Variants in ZFAND3 observed in about 807,000 individuals in gnomAD.
The protein encoded by ZFAND3 is zinc finger AN1-type containing 3, also known as AN1-type zinc finger protein 3.
In ZFAND3, 10 loss-of-function variants were observed where a neutral mutation model predicts 29.6. The ratio of observed to expected loss-of-function variants is 0.34; its 90% CI spans 0.21 to 0.57. The LOEUF (loss-of-function observed/expected upper bound fraction) is 0.57, where lower values mean the gene tolerates loss of function less well. ZFAND3 is among the 20% of genes least tolerant of loss of function. The pLI is 0.86. For missense variants in ZFAND3, 230 were observed against 304.5 expected (o/e 0.76, Z 1.82); for synonymous variants, 128 against 112.6 (o/e 1.14, Z -0.87).
chr6:37,858,172 G>A (rs1232362486), intron 1 of ZFAND3, among the ~76,000 whole-genome samples: 1 of 152,134 alleles, frequency 6.6e-6, no homozygotes, highest in African/African-American at 2.4e-5. Context: ...GACCCTAGGT[G>A]TCCAGTCAGT....
At chr6:37,972,985 T>C (rs747861064) in intron 2 of ZFAND3, among the ~76,000 whole-genome samples, 2 of 152,150 alleles carry the variant, frequency 1.3e-5, no homozygotes, top group Non-Finnish European at 2.9e-5. Flanking sequence ...GAAAAAAACT[T>C]TGCACTTACT....
intron 1 of ZFAND3, among the ~76,000 whole-genome samples, chr6:37,866,750 TAAAGA>T (rs897809971): frequency 8.6e-5 from 13 of 151,994 alleles, no homozygotes; most frequent in South Asian, 4.1e-4. Flanking sequence ...CTGTGTCACT[TAAAGA>T]AAAGAGGTTC....
intron 2 of ZFAND3, among the ~76,000 whole-genome samples, chr6:37,979,685 G>A (rs527936481): frequency 1.3e-5 from 2 of 152,246 alleles, no homozygotes; most frequent in South Asian, 4.1e-4. Context: ...AATCCATTAC[G>A]ATGGTTCTTT....
chr6:38,015,953 T>C (rs868777804), intron 2 of ZFAND3, among the ~76,000 whole-genome samples: 14 of 152,218 alleles, frequency 9.2e-5, no homozygotes, highest in African/African-American at 1.9e-4. Context: ...TGTTGTGTTA[T>C]TCTCTGTAAC....
intron 5 of ZFAND3, among the ~76,000 whole-genome samples, chr6:38,129,706 G>A (rs771389575): frequency 1.3e-5 from 2 of 152,016 alleles, no homozygotes; most frequent in Non-Finnish European, 2.9e-5. Context: ...TTACTATGCC[G>A]TTTTGGTGAC....
At chr6:38,063,194 G>A (rs1764276559) in intron 3 of ZFAND3, among the ~76,000 whole-genome samples, 1 of 152,158 alleles carries the variant, frequency 6.6e-6, no homozygotes, top group South Asian at 2.1e-4. Context: ...AAGGTTAGCA[G>A]AAAACAAATA....
At chr6:37,957,585 G>A (rs1257777368) in intron 2 of ZFAND3, among the ~76,000 whole-genome samples, 1 of 152,086 alleles carries the variant, frequency 6.6e-6, no homozygotes, top group Admixed American at 6.5e-5. Flanking sequence ...TTTTACTCAA[G>A]CAGAACATTT....
Position 38,068,532 on chromosome 6 carries a change from G to T in ZFAND3, c.295+6757G>T, listed in dbSNP as rs557866531. Among the ~76,000 whole-genome samples the T allele has an allele frequency of 5.3e-5, 8 of 152,254 alleles. No homozygotes were observed. The East Asian group carries it at 1.5e-3, about 29-fold the overall frequency. On this transcript the variant is annotated intron_variant, in intron 3 of 5. Coordinates refer to ENST00000287218, the MANE Select transcript of ZFAND3 (RefSeq NM_021943.3). ...ATCATCTTGACAGTGTGCAGCATAG[G>T]TAGGGCAAATATTCTCCTTCCTATT...
rs943724618 is a variant in ZFAND3, at chr6:38,000,531, G to T, written c.113-61062G>T. ...ATCTTACATGGTGGCAGGCAAGAGA[G>T]CTCGTGTAAGGGACCTCCCCTTTAT... On this transcript the variant is annotated intron_variant, in intron 2 of 5. Coordinates refer to ENST00000287218, the MANE Select transcript of ZFAND3 (RefSeq NM_021943.3). 5.3e-5 allele frequency among the ~76,000 whole-genome samples: 8 copies of T among 152,128 alleles called. No homozygotes were observed. The South Asian group carries it at 1.2e-3, about 24-fold the overall frequency.
intron 2 of ZFAND3, among the ~76,000 whole-genome samples, chr6:37,971,760 G>A (rs1223760132): frequency 1.3e-5 from 2 of 151,512 alleles, no homozygotes; most frequent in African/African-American, 2.4e-5. Context: ...AGGTCAAAGC[G>A]GGAGGATTGC....
chr6:37,833,989 G>T (rs147140454), intron 1 of ZFAND3, among the ~76,000 whole-genome samples: 1 of 152,006 alleles, frequency 6.6e-6, no homozygotes, highest in East Asian at 1.9e-4. Flanking sequence ...ACATTTTATA[G>T]AATTGATGAA....
chr6:37,995,217 ATCT>A (rs1424277454), intron 2 of ZFAND3, among the ~76,000 whole-genome samples: 3 of 152,128 alleles, frequency 2.0e-5, no homozygotes, highest in Non-Finnish European at 4.4e-5. Context: ...TTTTGAGGTG[ATCT>A]TCTTAGTAGA....
chr6:37,857,959 G>C (rs1230362003), intron 1 of ZFAND3, among the ~76,000 whole-genome samples: 2 of 152,116 alleles, frequency 1.3e-5, no homozygotes, highest in African/African-American at 4.8e-5. Flanking sequence ...GATAGTGTCT[G>C]TTTATTAATT....
At chr6:37,873,937 T>A (rs926498675) in intron 1 of ZFAND3, among the ~76,000 whole-genome samples, 1 of 152,020 alleles carries the variant, frequency 6.6e-6, no homozygotes, top group Non-Finnish European at 1.5e-5. Context: ...GAATAACATA[T>A]TTTTTTTAAC....
chr6:38,070,338 C>T (rs1046640535), intron 3 of ZFAND3, among the ~76,000 whole-genome samples: 1 of 151,406 alleles, frequency 6.6e-6, no homozygotes, highest in Non-Finnish European at 1.5e-5. Flanking sequence ...GCAGGAGAAT[C>T]GCTTGAACCC....
Position 38,154,577 on chromosome 6 carries a change from A to G in ZFAND3, c.*2188A>G. ...AATATTAAAAGAATCTTGTAACTTT[A>G]TTCTTTTTTCTCCTGCTGAAAAAAA... On this transcript the variant is annotated 3_prime_UTR_variant, in exon 6 of 6. Coordinates refer to ENST00000287218, the MANE Select transcript of ZFAND3 (RefSeq NM_021943.3). 3.1e-6 allele frequency: 3 copies of G among 972,352 alleles called. No individual in the cohort carries two copies. Among genetic ancestry groups the G allele is most frequent in the Non-Finnish European group, 3.7e-6 (3 of 817,664 alleles). The allele number at this position is 972,352 out of a possible 1,614,324, so 60.2% of individuals were successfully genotyped here. A position where few individuals can be genotyped will look rare whatever the true frequency, so the allele number is the denominator to read the frequency against.
At chr6:37,968,620 C>T (rs1762332594) in intron 2 of ZFAND3, among the ~76,000 whole-genome samples, 1 of 152,144 alleles carries the variant, frequency 6.6e-6, no homozygotes, top group Non-Finnish European at 1.5e-5. Context: ...GGTTGGCACA[C>T]TCATTCCCAA....
Position 38,153,621 on chromosome 6 carries a change from C to A in ZFAND3, c.*1232C>A, listed in dbSNP as rs11544072. Reference sequence around the variant, plus strand: ...GGGTACATTTCTCCACCTGTGCCCCCTCATGTTCACAGAGGATTTCAGCAG... The same window carrying A: ...GGGTACATTTCTCCACCTGTGCCCCATCATGTTCACAGAGGATTTCAGCAG... On this transcript the variant is annotated 3_prime_UTR_variant, in exon 6 of 6. Coordinates refer to ENST00000287218, the MANE Select transcript of ZFAND3 (RefSeq NM_021943.3). 80,104 of 985,370 alleles carry A rather than the reference C, an allele frequency of 0.081. 3,454 individuals are homozygous for A. Among genetic ancestry groups the A allele is most frequent in the Middle Eastern group, 0.087 (167 of 1,914 alleles). 61.0% of individuals were successfully genotyped at this position (985,370 alleles called of 1,614,324 possible).
At chr6:37,955,018 G>C (rs1488531100) in intron 2 of ZFAND3, among the ~76,000 whole-genome samples, 1 of 152,112 alleles carries the variant, frequency 6.6e-6, no homozygotes, top group Non-Finnish European at 1.5e-5. Context: ...CCCTTACCCA[G>C]TAGTCAGCTA....
Sources: allele counts gnomAD v4.1 joint callset (sites outside exome capture counted in the v4.1 genomes callset), GRCh38; gene constraint gnomAD v4.1.1; transcripts MANE v1.5; gene names NCBI Gene and HGNC (gene_info 2026-07-23, HGNC 2026-07-21).